The following KCNH8 variants were observed in gnomAD, a reference collection of about 807,000 sequenced individuals.
The protein encoded by KCNH8 is potassium voltage-gated channel subfamily H member 8.
KCNH8 carries 70 observed loss-of-function variants against 103.6 expected under a neutral mutation model. That is an observed-to-expected ratio of 0.68 (90% CI 0.56 to 0.82). The LOEUF (loss-of-function observed/expected upper bound fraction) is 0.82, where lower values mean the gene tolerates loss of function less well. KCNH8 is among the 40% of genes least tolerant of loss of function. KCNH8 has a pLI of 0.00. For missense variants in KCNH8, 1,217 were observed against 1,329.9 expected (o/e 0.92, Z 1.32); for synonymous variants, 498 against 489.4 (o/e 1.02, Z -0.23).
chr3:19,255,439 A>T, intron 2 of KCNH8, among the ~76,000 whole-genome samples: 1 of 152,098 alleles, frequency 6.6e-6, no homozygotes, highest in African/African-American at 2.4e-5. Context: ...CTCTTTTCCT[A>T]TTTGAATACC....
chr3:19,511,363 A>G (rs1350209132), intron 12 of KCNH8, among the ~76,000 whole-genome samples: 1 of 152,182 alleles, frequency 6.6e-6, no homozygotes, highest in South Asian at 2.1e-4. Flanking sequence ...AATTTCCACA[A>G]ACTTGTAGAA....
intron 5 of KCNH8, among the ~76,000 whole-genome samples, chr3:19,370,079 C>CT (rs2066066853): frequency 6.6e-6 from 1 of 152,082 alleles, no homozygotes; most frequent in Non-Finnish European, 1.5e-5. Flanking sequence ...CTGCCTCCAC[C>CT]TTCTTCCTCT....
intron 3 of KCNH8, among the ~76,000 whole-genome samples, chr3:19,322,875 T>G (rs1212412651): frequency 6.6e-6 from 1 of 152,144 alleles, no homozygotes; most frequent in African/African-American, 2.4e-5. Context: ...CTTGGGGGCT[T>G]TGTTAATTTT....
chr3:19,519,980 T>C (rs2068943884), intron 15 of KCNH8, among the ~76,000 whole-genome samples: 1 of 151,872 alleles, frequency 6.6e-6, no homozygotes, highest in African/African-American at 2.4e-5. Context: ...TTATTTTCCT[T>C]TGACAATGTG....
chr3:19,392,313 T>A (rs2066449174), intron 6 of KCNH8, among the ~76,000 whole-genome samples: 1 of 115,042 alleles, frequency 8.7e-6, no homozygotes. Context: ...GGGCAACATC[T>A]GTGTCAAAAA....
chr3:19,342,236 T>A (rs995342734), intron 3 of KCNH8, among the ~76,000 whole-genome samples: 1 of 152,102 alleles, frequency 6.6e-6, no homozygotes, highest in Non-Finnish European at 1.5e-5. Flanking sequence ...ATATTAGAAA[T>A]TTTTCTGGAA....
At chr3:19,187,429 A>G (rs1238860706) in intron 1 of KCNH8, among the ~76,000 whole-genome samples, 1 of 152,114 alleles carries the variant, frequency 6.6e-6, no homozygotes, top group East Asian at 1.9e-4. Context: ...ACAGTTGGAA[A>G]AACCAAGGTT....
In KCNH8 at chr3:19,430,951, CTCTT is replaced by C. The variant is rs1364893217; in HGVS notation, c.1178-7209_1178-7206del. On this transcript the variant is annotated intron_variant, in intron 7 of 15. Transcript: ENST00000328405. ...GCAAACACAGACAGTTTGACTTCCT[CTCTT>C]TCTATTTGAATACGCTTCATTTCTT... Among the ~76,000 whole-genome samples the C allele has an allele frequency of 4.6e-5, 7 of 152,306 alleles. 1 individual carries two copies. Among genetic ancestry groups the C allele is most frequent in the African/African-American group, 1.2e-4 (5 of 41,560 alleles).
rs2069206723 is a variant in KCNH8, at chr3:19,533,578, C to G, written c.2803C>G (p.Leu935Val). ...GAGCTGGAGTGCACACCAGCCTTGC[C>G]TACACTTGCAAACAGGCGGGGCTGC... ...RTSWSAHQPC[L>V]HLQTGGAAYT... Residue 935 changes from leucine (L) to valine (V), a missense_variant, in exon 16 of 16, where the codon CTA becomes GTA. Transcript: ENST00000328405. The G allele has an allele frequency of 1.2e-6, 2 of 1,614,176 alleles. No homozygotes were observed. Among genetic ancestry groups the G allele is most frequent in the African/African-American group, 1.3e-5 (1 of 75,052 alleles).
chr3:19,307,194 C>G (rs1172936175), intron 3 of KCNH8, among the ~76,000 whole-genome samples: 2 of 151,462 alleles, frequency 1.3e-5, no homozygotes, highest in African/African-American at 2.4e-5. Context: ...TCAAACATCT[C>G]AACAGCAAAA....
chr3:19,398,154 G>A (rs2066552402), intron 7 of KCNH8, among the ~76,000 whole-genome samples: 1 of 151,956 alleles, frequency 6.6e-6, no homozygotes, highest in Non-Finnish European at 1.5e-5. Context: ...TCCATAAAAT[G>A]AGATATTTAA....
At chr3:19,289,239 C>A (rs1024997081) in intron 3 of KCNH8, among the ~76,000 whole-genome samples, 1 of 151,926 alleles carries the variant, frequency 6.6e-6, no homozygotes, top group African/African-American at 2.4e-5. Flanking sequence ...AATTAGATCC[C>A]ATTTGTCAAT....
intron 11 of KCNH8, among the ~76,000 whole-genome samples, chr3:19,467,968 C>T (rs192007086): frequency 1.2e-3 from 176 of 152,212 alleles, no homozygotes; most frequent in Non-Finnish European, 1.7e-3. Context: ...TCCCCTCCTC[C>T]CCACCTCTGC....
At chr3:19,256,793 C>A (rs532628940) in intron 2 of KCNH8, among the ~76,000 whole-genome samples, 1 of 152,166 alleles carries the variant, frequency 6.6e-6, no homozygotes, top group South Asian at 2.1e-4. Flanking sequence ...GGGTAGAAAT[C>A]ATTAAAGGCA....
At chr3:19,229,783 C>T (rs960170348) in intron 1 of KCNH8, among the ~76,000 whole-genome samples, 1 of 152,182 alleles carries the variant, frequency 6.6e-6, no homozygotes, top group African/African-American at 2.4e-5. Context: ...CAAATTTTCC[C>T]ACATTTTCCT....
At chr3:19,284,246 A>T (rs1488340401) in intron 3 of KCNH8, among the ~76,000 whole-genome samples, 2 of 152,160 alleles carry the variant, frequency 1.3e-5, no homozygotes, top group Non-Finnish European at 2.9e-5. Flanking sequence ...CATGTTAATT[A>T]AATTAATTAA....
chr3:19,190,063 C>T (rs916222463), intron 1 of KCNH8, among the ~76,000 whole-genome samples: 3 of 151,780 alleles, frequency 2.0e-5, no homozygotes, highest in African/African-American at 4.8e-5. Flanking sequence ...AGACAAAATA[C>T]CTTTGCTTGC....
chr3:19,526,011 A>G (rs1395892004), intron 15 of KCNH8, among the ~76,000 whole-genome samples: 1 of 151,930 alleles, frequency 6.6e-6, no homozygotes, highest in Non-Finnish European at 1.5e-5. Flanking sequence ...TTGCCTGCTT[A>G]TGGAGTTTGT....
chr3:19,432,521 T>TA (rs1196764495), intron 7 of KCNH8, among the ~76,000 whole-genome samples: 2 of 152,212 alleles, frequency 1.3e-5, no homozygotes, highest in Non-Finnish European at 2.9e-5. Context: ...TAATTATTTT[T>TA]ATCCCAAATT....
Sources: gnomAD v4.1 joint callset for allele counts (sites outside exome capture counted in the v4.1 genomes callset) on GRCh38, gnomAD v4.1.1 for gene constraint, MANE v1.5 for transcripts, NCBI Gene and HGNC (gene_info 2026-07-23, HGNC 2026-07-21) for gene names.